Variants in EHMT2 observed in about 807,000 individuals in gnomAD.
EHMT2 encodes the protein histone-lysine N-methyltransferase EHMT2.
A neutral mutation model predicts 143.3 loss-of-function variants in EHMT2; 59 were observed. The ratio of observed to expected loss-of-function variants is 0.41; its 90% confidence interval spans 0.33 to 0.51. The LOEUF is 0.51. Among genes scored for constraint, EHMT2 ranks in the 20% least tolerant of loss-of-function variants. The pLI is 0.18. For missense variants in EHMT2, 1,174 were observed against 1,645.9 expected (o/e 0.71, Z 4.96); for synonymous variants, 604 against 651.5 (o/e 0.93, Z 1.11).
In EHMT2 at chr6:31,888,846, G is replaced by A. The variant is rs917311976; in HGVS notation, c.1217-99C>T. 3 of 1,475,080 alleles carry A rather than the reference G, an allele frequency of 2.0e-6. No individual in the cohort carries two copies. In the Admixed American group the frequency reaches 5.8e-5, roughly 28 times the overall value. 91.4% of individuals were successfully genotyped at this position (1,475,080 alleles called of 1,614,324 possible). A position where few individuals can be genotyped will look rare whatever the true frequency, so the allele number is the denominator to read the frequency against. On this transcript the variant is annotated intron_variant, in intron 10 of 27. Transcript: ENST00000375537. This position sits in a 1 kb window ranked among gnomAD's most constrained non-coding sequence, Gnocchi z 7.4. The stretch of plus-strand genomic sequence containing the variant: ...CTCCCTCCCTACCCCACCCCGCCAT[G>A]CCCCAGAACCCCTAAAGCCTGGCCA...
Position 31,880,069 on chromosome 6 carries a change from G to A in EHMT2, c.*15C>T, listed in dbSNP as rs1763897378. Reference sequence around the variant, plus strand: ...TGTGGCCATCCATGCTGGGGAGAGAGGGTGTGGTCCGTTCTCATGTGTTGA... The same window carrying A: ...TGTGGCCATCCATGCTGGGGAGAGAAGGTGTGGTCCGTTCTCATGTGTTGA... On this transcript the variant is annotated 3_prime_UTR_variant, in exon 28 of 28. Transcript: ENST00000375537. This position sits in a 1 kb window ranked among gnomAD's most constrained non-coding sequence, Gnocchi z 6.6. The A allele has an allele frequency of 6.2e-7, 1 of 1,607,506 alleles. No individual in the cohort carries two copies. The highest frequency in any genetic ancestry group is 8.5e-7 in the Non-Finnish European group (1 of 1,176,492).
In EHMT2 at chr6:31,889,374, C is replaced by G; in HGVS notation, c.1000-32G>C. On this transcript the variant is annotated intron_variant, in intron 8 of 27. Transcript: ENST00000375537. This position sits in a 1 kb window ranked among gnomAD's most constrained non-coding sequence, Gnocchi z 5.1. ...AGGGGGAGGAGGAGGAGTTAGGAACCCTCACCCCCAGGGGCCCCCCCAACA... is the reference window on the plus strand; with the variant it reads ...AGGGGGAGGAGGAGGAGTTAGGAACGCTCACCCCCAGGGGCCCCCCCAACA... The G allele has an allele frequency of 6.2e-7, 1 of 1,610,240 alleles. No individual in the cohort carries two copies. The highest frequency in any genetic ancestry group is 2.2e-5 in the East Asian group (1 of 44,866).
rs1581891829 is a variant in EHMT2, at chr6:31,883,709, C to G, written c.2916+97G>C. The G allele has an allele frequency of 3.7e-5, 56 of 1,520,788 alleles. No individual in the cohort carries two copies. Among genetic ancestry groups the G allele is most frequent in the Non-Finnish European group, 5.0e-5 (56 of 1,117,886 alleles). The allele number at this position is 1,520,788 out of a possible 1,614,324, so 94.2% of individuals were successfully genotyped here. The stretch of plus-strand genomic sequence containing the variant: ...CACCAGGGCTCCCTTTCAGCCAACC[C>G]TTCCTTGGCCAGGTGCCTTTGCTGG... On this transcript the variant is annotated intron_variant, in intron 22 of 27. Coordinates refer to ENST00000375537, the Ensembl canonical transcript of EHMT2. This position sits in a 1 kb window ranked among gnomAD's most constrained non-coding sequence, Gnocchi z 5.6.
At chr6:31,897,698 G>T, upstream of EHMT2, 17 of 1,063,014 alleles carry the variant, frequency 1.6e-5, no homozygotes, top group Non-Finnish European at 1.8e-5. Flanking sequence ...GCTGGGGGCC[G>T]AGCCGGCGCG....
Position 31,883,636 on chromosome 6 carries a change from G to A in EHMT2, c.2916+170C>T, listed in dbSNP as rs1021218152. 9.1e-7 allele frequency: 1 copy of A among 1,096,382 alleles called. No individual in the cohort carries two copies. 67.9% of individuals were successfully genotyped at this position (1,096,382 alleles called of 1,614,324 possible). A position where few individuals can be genotyped will look rare whatever the true frequency, so the allele number is the denominator to read the frequency against. ...CTACTGGGAGCTCATATGATACCTT[G>A]CTGTGACCTAGGAAAAGGATCCCTC... is the stretch of plus-strand genomic sequence containing the variant. On this transcript the variant is annotated intron_variant, in intron 22 of 27. Coordinates refer to ENST00000375537, the Ensembl canonical transcript of EHMT2. The surrounding 1 kb of genome is among the most constrained non-coding windows in gnomAD (Gnocchi z 5.6).
exon 14 of EHMT2, chr6:31,887,910 C>T (rs1228600103): frequency 6.2e-7 from 1 of 1,605,714 alleles, no homozygotes; most frequent in East Asian, 2.2e-5. Context: ...TGGTGTCAGC[C>T]AGGGGATCGC....
At chr6:31,882,526 A>AGAG (rs1443960388) in intron 25 of EHMT2, 173 bp downstream of exon 25, 27 of 679,044 alleles carry the variant, frequency 4.0e-5, no homozygotes, top group Admixed American at 2.1e-4. Context: ...GATGGGGGTC[A>AGAG]GAGGCGGCTG....
rs1457907072 is a variant in EHMT2 at position 31,887,677 on chromosome 6, G to A, written c.1929-18C>T. 1 of 1,612,176 alleles carries A rather than the reference G, an allele frequency of 6.2e-7. No individual in the cohort carries two copies. ...TCTTCCGCCTGCCAAGGGAGCACGGGAGCGGGGAGAGAAGGGGAGCTCCTC... is the reference window on the plus strand; with the variant it reads ...TCTTCCGCCTGCCAAGGGAGCACGGAAGCGGGGAGAGAAGGGGAGCTCCTC... On this transcript the variant is annotated intron_variant, in intron 14 of 27. Coordinates refer to ENST00000375537, the Ensembl canonical transcript of EHMT2.
rs960243186 is a variant in EHMT2, at chr6:31,880,730, C to T, written c.3395G>A (p.Arg1132Gln). 2 of 1,613,838 alleles carry T rather than the reference C, an allele frequency of 1.2e-6. No homozygotes were observed. Among genetic ancestry groups the T allele is most frequent in the African/African-American group, 1.3e-5 (1 of 74,882 alleles). The change falls in exon 27 of 28, where the codon CGA becomes CAA. Residue 1132 changes from arginine (R) to glutamine (Q), a missense_variant. Transcript: ENST00000375537. This position sits in a 1 kb window ranked among gnomAD's most constrained non-coding sequence, Gnocchi z 6.6. ...ACTGAAGAAGGCGATGCGTGGAAATCGCAGGTCTTGGTGCAGCATGAAGAC... is the reference window on the plus strand; with the variant it reads ...ACTGAAGAAGGCGATGCGTGGAAATTGCAGGTCTTGGTGCAGCATGAAGAC...
chr6:31,896,870 C>T, intron 2 of EHMT2, 46 bp from the exon 3 acceptor site: 1 of 1,612,118 alleles, frequency 6.2e-7, no homozygotes, highest in Non-Finnish European at 8.5e-7. Flanking sequence ...TCAGGAGATC[C>T]TGTGTTTAGG....
chr6:31,895,167 G>T (rs917425183), intron 4 of EHMT2, among the ~76,000 whole-genome samples: 1 of 152,222 alleles, frequency 6.6e-6, no homozygotes, highest in Non-Finnish European at 1.5e-5. Context: ...AGCATGGAAC[G>T]GTTAGGGCCC....
chr6:31,893,584 G>A (rs548706832), intron 4 of EHMT2: 3 of 267,218 alleles, frequency 1.1e-5, no homozygotes, highest in African/African-American at 2.2e-5. Flanking sequence ...CAGAAAGTAC[G>A]GGATTACAGG....
intron 7 of EHMT2, 88 bp downstream of exon 7, chr6:31,892,319 G>A: frequency 2.8e-6 from 4 of 1,453,208 alleles, no homozygotes; most frequent in Non-Finnish European, 3.7e-6. Flanking sequence ...AGGACAGAAA[G>A]CAGAAAAACA....
Position 31,888,648 on chromosome 6 carries a change from C to T in EHMT2, c.1316G>A (p.Ser439Asn), listed in dbSNP as rs1765242094. Residue 439 changes from serine (S) to asparagine (N), a missense_variant, in exon 11 of 28, where the codon AGC becomes AAC. By Grantham distance (46) the Ser-to-Asn change is conservative. This residue lies in a region of EHMT2 where 608 missense variants were observed against 903.7 expected (regional missense o/e 0.67). Coordinates refer to ENST00000375537, the Ensembl canonical transcript of EHMT2. This position sits in a 1 kb window ranked among gnomAD's most constrained non-coding sequence, Gnocchi z 7.4. Reference sequence around the variant, plus strand: ...CATGCACTTGTGCCCCGCCCTCTCGCTGATGCGGTCAATCTTGGGTGCCTC... The same window carrying T: ...CATGCACTTGTGCCCCGCCCTCTCGTTGATGCGGTCAATCTTGGGTGCCTC... The T allele has an allele frequency of 1.2e-6, 2 of 1,613,764 alleles. No homozygotes were observed. Among genetic ancestry groups the T allele is most frequent in the Non-Finnish European group, 1.7e-6 (2 of 1,180,024 alleles).
chr6:31,883,790 C>G lies in EHMT2; in HGVS notation c.2916+16G>C. 6.2e-7 allele frequency: 1 copy of G among 1,612,102 alleles called. No individual in the cohort carries two copies. ...TCTCGGTGTCCTTTTGGGGAGGCCCCGGGCCCCCTACTCACCTGCAGGTGG... is the reference window on the plus strand; with the variant it reads ...TCTCGGTGTCCTTTTGGGGAGGCCCGGGGCCCCCTACTCACCTGCAGGTGG... On this transcript the variant is annotated intron_variant, in intron 22 of 27. Transcript: ENST00000375537. The surrounding 1 kb of genome is among the most constrained non-coding windows in gnomAD (Gnocchi z 5.6).
intron 4 of EHMT2, among the ~76,000 whole-genome samples, chr6:31,894,843 G>A (rs1333598471): frequency 6.6e-6 from 1 of 151,812 alleles, no homozygotes; most frequent in Non-Finnish European, 1.5e-5. Context: ...GTTAGAGACG[G>A]GGTTTGGACA....
In EHMT2 at chr6:31,882,689, G is replaced by A. The variant is rs756508994; in HGVS notation, c.3197+10C>T. The stretch of plus-strand genomic sequence containing the variant: ...TCCCACCAGGTGTTAAGGTGCTCCC[G>A]GTGACTTACTCGCAGATGAAGGTCC... On this transcript the variant is annotated intron_variant, in intron 25 of 27. Transcript: ENST00000375537. The A allele has an allele frequency of 1.2e-5, 20 of 1,611,098 alleles. No individual in the cohort carries two copies. The highest frequency in any genetic ancestry group is 8.8e-5 in the South Asian group (8 of 90,466).
chr6:31,890,708 A>G (rs1765572840), intron 7 of EHMT2, among the ~76,000 whole-genome samples: 1 of 150,398 alleles, frequency 6.6e-6, no homozygotes, highest in Admixed American at 6.6e-5. Flanking sequence ...TACTAAAAAT[A>G]CAAAAAATTA....
chr6:31,897,637 T>TCGG (rs1766750241), exon 1 of EHMT2: 3 of 1,151,670 alleles, frequency 2.6e-6, no homozygotes, highest in Admixed American at 4.8e-5. Flanking sequence ...CTTCCGCACC[T>TCGG]CGGCGGCCGC....
Sources: allele counts gnomAD v4.1 joint callset (sites outside exome capture counted in the v4.1 genomes callset), GRCh38; gene constraint gnomAD v4.1.1; regional missense constraint gnomAD v4.1.1; non-coding constraint Gnocchi (gnomAD v3.1); transcripts MANE v1.5; gene names NCBI Gene and HGNC (gene_info 2026-07-23, HGNC 2026-07-21).